SPIDR: variants seen among roughly 807,000 people sequenced by gnomAD.
SPIDR encodes DNA repair-scaffolding protein.
Under a neutral mutation model 104.6 loss-of-function variants are expected in SPIDR, and 93 were observed. That is an observed-to-expected ratio of 0.89 (90% CI 0.75 to 1.06). The LOEUF (loss-of-function observed/expected upper bound fraction) is 1.06. Among genes scored for constraint, SPIDR ranks in the 50% least tolerant of loss-of-function variants. The pLI is 0.00. For synonymous variants in SPIDR, 431 were observed against 416.9 expected, an observed-to-expected ratio of 1.03 and a Z score of -0.41; for missense variants, 1,154 against 1,111.2, an observed-to-expected ratio of 1.04 and a Z score of -0.55.
At chr8:47,713,370 C>T (rs2082134697) in intron 15 of SPIDR, 119 bp from the exon 16 acceptor site, 8 of 1,404,546 alleles carry the variant, frequency 5.7e-6, no homozygotes, top group South Asian at 1.3e-5. Flanking sequence ...CTGCTGGACA[C>T]AGTCCCATAA....
chr8:47,297,832 C>T (rs1554573839), intron 5 of SPIDR, among the ~76,000 whole-genome samples: 2 of 152,120 alleles, frequency 1.3e-5, no homozygotes, highest in African/African-American at 4.8e-5. Context: ...GAATATGTGC[C>T]ACATTTTCTT....
At chr8:47,392,807 A>G (rs534268731) in intron 5 of SPIDR, among the ~76,000 whole-genome samples, 3 of 152,328 alleles carry the variant, frequency 2.0e-5, no homozygotes, top group Non-Finnish European at 1.5e-5. Context: ...CAAACTTTCT[A>G]AAACAAATTA....
rs746060833 is a variant in SPIDR, at chr8:47,729,055, C to CCAGGCCAGAGCACGG, written c.2550+22_2550+23insGCAGGCCAGAGCACG. The CCAGGCCAGAGCACGG allele has an allele frequency of 5.0e-6, 8 of 1,613,610 alleles. No homozygotes were observed. The highest frequency in any genetic ancestry group is 5.9e-6 in the Non-Finnish European group (7 of 1,179,932). ...TGCAGAGTGAAGGTCAAGGTAGGAG[C>CCAGGCCAGAGCACGG]CAGGCCAGAGCACGCACGCACTCCT... On this transcript the variant is annotated intron_variant, in intron 18 of 19. Transcript: ENST00000297423.
chr8:47,734,726 G>A (rs1012951533), intron 19 of SPIDR, among the ~76,000 whole-genome samples: 1 of 152,168 alleles, frequency 6.6e-6, no homozygotes, highest in African/African-American at 2.4e-5. Flanking sequence ...CCTGGTCAGG[G>A]ATGGGGGCCA....
chr8:47,268,911 A>C (rs2034658449), intron 1 of SPIDR, among the ~76,000 whole-genome samples: 1 of 152,204 alleles, frequency 6.6e-6, no homozygotes, highest in Non-Finnish European at 1.5e-5. Flanking sequence ...TCACACCAGT[A>C]ATCCCAGCAC....
chr8:47,389,688 CAAAAAAAA>C (rs11295388), intron 5 of SPIDR, among the ~76,000 whole-genome samples: 6 of 62,026 alleles, frequency 9.7e-5, no homozygotes, highest in East Asian at 4.9e-4. Flanking sequence ...GACTCCATCT[CAAAAAAAA>C]AAAAAAAAAA....
intron 6 of SPIDR, among the ~76,000 whole-genome samples, chr8:47,397,226 G>A (rs1029307218): frequency 7.9e-5 from 12 of 152,232 alleles, no homozygotes; most frequent in Middle Eastern, 3.4e-3. Flanking sequence ...GGCCGGGCGC[G>A]GTGGCTCACG....
intron 8 of SPIDR, among the ~76,000 whole-genome samples, chr8:47,595,389 T>C (rs776928289): frequency 2.6e-5 from 4 of 152,246 alleles, no homozygotes; most frequent in Non-Finnish European, 2.9e-5. Flanking sequence ...ATAGCAAAGG[T>C]AGATGCTCCT....
chr8:47,576,010 A>C (rs1052851263), intron 8 of SPIDR, among the ~76,000 whole-genome samples: 2 of 151,144 alleles, frequency 1.3e-5, no homozygotes, highest in African/African-American at 2.4e-5. Context: ...ATTTGTAGTT[A>C]AGTGATAATT....
chr8:47,286,208 T>C (rs2038817326), intron 3 of SPIDR, among the ~76,000 whole-genome samples: 1 of 152,164 alleles, frequency 6.6e-6, no homozygotes, highest in Non-Finnish European at 1.5e-5. Context: ...TGCAGGTCTC[T>C]CTGACTTGAG....
At chr8:47,528,000 C>G (rs1054059980) in intron 8 of SPIDR, 1 of 152,164 alleles carries the variant, frequency 6.6e-6, no homozygotes, top group African/African-American at 2.4e-5. Flanking sequence ...AAGACTCTCT[C>G]CGTTAGTGGC....
At chr8:47,606,251 G>C (rs1308846812) in intron 10 of SPIDR, among the ~76,000 whole-genome samples, 1 of 152,120 alleles carries the variant, frequency 6.6e-6, no homozygotes, top group African/African-American at 2.4e-5. Context: ...TGGGCACAGT[G>C]GCTCATGCCT....
intron 1 of SPIDR, among the ~76,000 whole-genome samples, chr8:47,273,179 C>CG (rs1184645774): frequency 3.3e-5 from 5 of 152,202 alleles, no homozygotes; most frequent in Non-Finnish European, 7.3e-5. Flanking sequence ...ACTGGCCCCA[C>CG]TTCAGAGGTC....
At chr8:47,567,300 A>T (rs972091780) in intron 8 of SPIDR, among the ~76,000 whole-genome samples, 1 of 151,568 alleles carries the variant, frequency 6.6e-6, no homozygotes, top group African/African-American at 2.4e-5. Context: ...GCTCACCGCA[A>T]CCTCTGCCTC....
intron 8 of SPIDR, among the ~76,000 whole-genome samples, chr8:47,576,619 A>C (rs1045940549): frequency 2.6e-5 from 4 of 151,988 alleles, no homozygotes; most frequent in African/African-American, 9.7e-5. Context: ...TTTTTAGTAC[A>C]GACAGGATTT....
In SPIDR at chr8:47,310,644, G is replaced by A. The variant is rs374056382; in HGVS notation, c.525+16614G>A. Among the ~76,000 whole-genome samples, 576 of 152,172 alleles carry A rather than the reference G, an allele frequency of 3.8e-3. 3 individuals carry two copies. Among genetic ancestry groups the A allele is most frequent in the South Asian group, 0.022 (108 of 4,822 alleles). On this transcript the variant is annotated intron_variant, in intron 5 of 19. Transcript: ENST00000297423. ...CTCGGTCATTGGTTGTGTAGGTGAC[G>A]GAAGCTTGAATAAAAACCACAAGAC...
intron 10 of SPIDR, among the ~76,000 whole-genome samples, chr8:47,634,344 C>T (rs1322378958): frequency 2.0e-5 from 3 of 151,964 alleles, no homozygotes; most frequent in Admixed American, 6.6e-5. Context: ...CCCAGCTACT[C>T]AGCAGGCTGA....
intron 8 of SPIDR, among the ~76,000 whole-genome samples, chr8:47,585,575 A>G (rs1237863741): frequency 6.6e-6 from 1 of 152,158 alleles, no homozygotes; most frequent in Non-Finnish European, 1.5e-5. Context: ...GTTGCTTATA[A>G]CAGAATACCT....
intron 5 of SPIDR, among the ~76,000 whole-genome samples, chr8:47,348,663 C>G (rs2052725377): frequency 6.6e-6 from 1 of 152,114 alleles, no homozygotes; most frequent in South Asian, 2.1e-4. Flanking sequence ...TCTTTTTACT[C>G]TTTTTTCTCT....
Sources: gnomAD v4.1 joint callset for allele counts (sites outside exome capture counted in the v4.1 genomes callset) on GRCh38, gnomAD v4.1.1 for gene constraint, MANE v1.5 for transcripts, NCBI Gene and HGNC (gene_info 2026-07-23, HGNC 2026-07-21) for gene names.